Variants in TMEM184B observed in about 807,000 individuals in gnomAD.
The protein encoded by TMEM184B is putative MAPK-activating protein FM08.
In TMEM184B, 17 loss-of-function variants were observed where a neutral mutation model predicts 41.8. The ratio of observed to expected loss-of-function variants is 0.41; its 90% CI spans 0.28 to 0.61. The LOEUF (loss-of-function observed/expected upper bound fraction) is 0.61, where lower values mean the gene tolerates loss of function less well. Ranked by LOEUF, TMEM184B falls within the 20% of genes least tolerant of loss-of-function variation. TMEM184B has a pLI of 0.34. For synonymous variants in TMEM184B, 240 were observed against 229.5 expected (o/e 1.05, Z -0.41); for missense variants, 393 against 557.8 (o/e 0.70, Z 2.98).
intron 1 of TMEM184B, among the ~76,000 whole-genome samples, chr22:38,263,786 G>A (rs949716626): frequency 2.6e-5 from 4 of 152,144 alleles, no homozygotes; most frequent in African/African-American, 7.2e-5. Flanking sequence ...AATGTTGGGG[G>A]AAATATAGAA....
intron 1 of TMEM184B, among the ~76,000 whole-genome samples, chr22:38,263,772 C>CCTCAAT: frequency 6.6e-6 from 1 of 152,196 alleles, no homozygotes; most frequent in East Asian, 1.9e-4. Flanking sequence ...AAGAAATGAG[C>CCTCAAT]CTCAATGTTG....
intron 1 of TMEM184B, among the ~76,000 whole-genome samples, chr22:38,258,028 G>GC (rs2092311750): frequency 6.6e-6 from 1 of 152,032 alleles, no homozygotes; most frequent in African/African-American, 2.4e-5. Flanking sequence ...CCCACATACA[G>GC]CCTACCTGCC....
At chr22:38,260,442 G>A (rs2092353617) in intron 1 of TMEM184B, among the ~76,000 whole-genome samples, 1 of 152,148 alleles carries the variant, frequency 6.6e-6, no homozygotes, top group Non-Finnish European at 1.5e-5. Context: ...TTGAAGGGCT[G>A]ACGTCATTTG....
In TMEM184B at chr22:38,221,526, G is replaced by C. The variant is rs749178195; in HGVS notation, c.1167C>G (p.Leu389=). 1 of 1,613,646 alleles carries C rather than the reference G, an allele frequency of 6.2e-7. No individual in the cohort carries two copies. Among genetic ancestry groups the C allele is most frequent in the Admixed American group, 1.7e-5 (1 of 60,004 alleles). Residue 389 remains leucine, a synonymous_variant, in exon 9 of 9, where the codon CTC becomes CTG. Coordinates refer to ENST00000361906, the MANE Select transcript of TMEM184B (RefSeq NM_012264.5). ...TCTTCTCGTTGTCGCGGGCGCCACT[G>C]AGGCTGTGGGAGCGGGAGAGGCCGT... ...GAHGLSRSHS[L]SGARDNEKTL... is the part of the protein sequence containing the mutation.
At chr22:38,224,328 A>G (rs568306968) in intron 8 of TMEM184B, among the ~76,000 whole-genome samples, 6 of 152,098 alleles carry the variant, frequency 3.9e-5, no homozygotes, top group Non-Finnish European at 1.5e-5. Context: ...GTTAGCCAGG[A>G]TGGTCTCGAT....
At chr22:38,234,780 G>C (rs117553069) in intron 3 of TMEM184B, among the ~76,000 whole-genome samples, 2 of 152,008 alleles carry the variant, frequency 1.3e-5, no homozygotes, top group African/African-American at 4.8e-5. Context: ...GCAACATTAA[G>C]TAAGGTAAAG....
intron 1 of TMEM184B, among the ~76,000 whole-genome samples, chr22:38,258,786 A>T (rs1464139725): frequency 2.0e-5 from 3 of 152,200 alleles, no homozygotes; most frequent in Admixed American, 2.0e-4. Flanking sequence ...TTTTTGCAGC[A>T]GAAATTAGTC....
intron 1 of TMEM184B, among the ~76,000 whole-genome samples, chr22:38,271,278 G>A (rs1602518284): frequency 6.6e-6 from 1 of 152,192 alleles, no homozygotes; most frequent in East Asian, 1.9e-4. Context: ...ATAGTGCCTG[G>A]CACATAGTAG....
intron 3 of TMEM184B, among the ~76,000 whole-genome samples, chr22:38,237,643 G>C (rs1372008063): frequency 6.6e-6 from 1 of 152,172 alleles, no homozygotes; most frequent in Admixed American, 6.5e-5. Context: ...AGAAAATAGG[G>C]GCCTCAGAAC....
Position 38,225,289 on chromosome 22 carries a change from C to T in TMEM184B, c.787+135G>A. 8.3e-7 allele frequency: 1 copy of T among 1,198,398 alleles called. No individual in the cohort carries two copies. Among genetic ancestry groups the T allele is most frequent in the East Asian group, 2.5e-5 (1 of 39,468 alleles). The allele number at this position is 1,198,398 out of a possible 1,614,324, so 74.2% of individuals were successfully genotyped here. A position where few individuals can be genotyped will look rare whatever the true frequency, so the allele number is the denominator to read the frequency against. On this transcript the variant is annotated intron_variant, in intron 7 of 8. Transcript: ENST00000361906. The surrounding 1 kb of genome is among the most constrained non-coding windows in gnomAD (Gnocchi z 4.4). ...GCCCTCGAGGGCTCAGATTTCACCC[C>T]CAGCAAGTGCCCAGTGGGCTGAGGC...
intron 1 of TMEM184B, among the ~76,000 whole-genome samples, chr22:38,257,200 A>G (rs897182799): frequency 2.0e-5 from 3 of 152,034 alleles, no homozygotes; most frequent in Non-Finnish European, 2.9e-5. Context: ...AACTCCTAAA[A>G]AGCTACGTAA....
rs2091242701 is a variant in TMEM184B at position 38,221,054 on chromosome 22, G to C, written c.*415C>G. 9.6e-7 allele frequency: 1 copy of C among 1,039,786 alleles called. No individual in the cohort carries two copies. Among genetic ancestry groups the C allele is most frequent in the African/African-American group, 1.7e-5 (1 of 58,652 alleles). 64.4% of individuals were successfully genotyped at this position (1,039,786 alleles called of 1,614,324 possible). ...AAGAGCCCAGGTCAGACAGGGTATT[G>C]CACGGTGTGTGGGGGAGCCACGGCT... is the stretch of plus-strand genomic sequence containing the variant. On this transcript the variant is annotated 3_prime_UTR_variant, in exon 9 of 9. Transcript: ENST00000361906.
chr22:38,230,600 A>T, intron 5 of TMEM184B, 69 bp downstream of exon 5: 1 of 1,510,456 alleles, frequency 6.6e-7, no homozygotes, highest in Non-Finnish European at 9.0e-7. Context: ...GGCCCAGGGC[A>T]GCCCACGGCA....
intron 3 of TMEM184B, among the ~76,000 whole-genome samples, chr22:38,233,961 G>A (rs1006853543): frequency 6.6e-6 from 1 of 152,132 alleles, no homozygotes; most frequent in Admixed American, 6.5e-5. Context: ...TACAGACAGG[G>A]TTTTACCATG....
At chr22:38,240,825 A>G (rs942706061) in intron 3 of TMEM184B, among the ~76,000 whole-genome samples, 7 of 152,116 alleles carry the variant, frequency 4.6e-5, no homozygotes, top group Non-Finnish European at 1.0e-4. Context: ...AAATTACATC[A>G]GAATCTAAGA....
chr22:38,246,902 C>CA, intron 2 of TMEM184B: 1 of 1,297,184 alleles, frequency 7.7e-7, no homozygotes, highest in Non-Finnish European at 1.0e-6. Flanking sequence ...AGGAAAAGAA[C>CA]AAAATATTCT....
Position 38,245,928 on chromosome 22 carries a change from T to A in TMEM184B, c.358+7A>T. The A allele has an allele frequency of 5.0e-6, 4 of 799,020 alleles. No individual in the cohort carries two copies. The highest frequency in any genetic ancestry group is 2.0e-5 in the Admixed American group (1 of 50,402). The allele number at this position is 799,020 out of a possible 1,614,324, so 49.5% of individuals were successfully genotyped here. A position where few individuals can be genotyped will look rare whatever the true frequency, so the allele number is the denominator to read the frequency against. On this transcript the variant is annotated splice_region_variant and intron_variant, in intron 3 of 8. Coordinates refer to ENST00000361906, the MANE Select transcript of TMEM184B (RefSeq NM_012264.5). Reference sequence around the variant, plus strand: ...GCCAGCCCTCCCCACTCCGTCCCCATCCTCACCCTCATAGCAGTCGCGGAC... The same window carrying A: ...GCCAGCCCTCCCCACTCCGTCCCCAACCTCACCCTCATAGCAGTCGCGGAC...
chr22:38,244,200 A>G (rs1160120961), intron 3 of TMEM184B, among the ~76,000 whole-genome samples: 3 of 152,094 alleles, frequency 2.0e-5, no homozygotes, highest in African/African-American at 7.2e-5. Context: ...AGGGATACAC[A>G]AGTTTCAACG....
chr22:38,263,487 T>TC, intron 1 of TMEM184B, among the ~76,000 whole-genome samples: 1 of 152,322 alleles, frequency 6.6e-6, no homozygotes, highest in Non-Finnish European at 1.5e-5. Context: ...GCGTTGAGCG[T>TC]CCATCTTATG....
Sources: gnomAD v4.1 joint callset for allele counts (sites outside exome capture counted in the v4.1 genomes callset) on GRCh38, gnomAD v4.1.1 for gene constraint, Gnocchi (gnomAD v3.1) non-coding constraint, MANE v1.5 for transcripts, NCBI Gene and HGNC (gene_info 2026-07-23, HGNC 2026-07-21) for gene names.